CNGB1: variants seen among roughly 807,000 people sequenced by gnomAD.
The protein encoded by CNGB1 is cyclic nucleotide-gated channel beta-1.
CNGB1 carries 126 observed loss-of-function variants against 151.7 expected under a neutral mutation model. That is an observed-to-expected ratio of 0.83 (90% confidence interval 0.72 to 0.96). The LOEUF (loss-of-function observed/expected upper bound fraction) is 0.96, where lower values mean the gene tolerates loss of function less well. CNGB1 is among the 40% of genes least tolerant of loss of function. CNGB1 has a pLI of 0.00. For missense variants in CNGB1, 1,698 were observed against 1,627.0 expected, an observed-to-expected ratio of 1.04 and a Z score of -0.75; for synonymous variants, 623 against 635.1, an observed-to-expected ratio of 0.98 and a Z score of 0.29.
chr16:57,956,232 C>T (rs1336492616), intron 12 of CNGB1, among the ~76,000 whole-genome samples: 1 of 152,174 alleles, frequency 6.6e-6, no homozygotes, highest in Non-Finnish European at 1.5e-5. Context: ...GCTCTGTGAC[C>T]CTGGGCAGGT....
intron 10 of CNGB1, among the ~76,000 whole-genome samples, chr16:57,959,268 T>TG (rs1435018744): frequency 6.6e-6 from 1 of 151,644 alleles, no homozygotes; most frequent in African/African-American, 2.4e-5. Context: ...CAGTAAGACC[T>TG]GTGTGAATAA....
At chr16:57,952,999 C>T (rs1237897255) in intron 12 of CNGB1, among the ~76,000 whole-genome samples, 1 of 152,144 alleles carries the variant, frequency 6.6e-6, no homozygotes, top group Non-Finnish European at 1.5e-5. Flanking sequence ...CCCTGGCCCA[C>T]CCCTGGAGCT....
At chr16:57,959,152 A>T (rs1328643429) in intron 10 of CNGB1, among the ~76,000 whole-genome samples, 2 of 152,064 alleles carry the variant, frequency 1.3e-5, no homozygotes, top group Non-Finnish European at 2.9e-5. Flanking sequence ...TGATGCATGC[A>T]CGGGTTATTG....
intron 27 of CNGB1, among the ~76,000 whole-genome samples, chr16:57,903,166 G>A (rs1352575872): frequency 1.3e-5 from 2 of 151,110 alleles, no homozygotes; most frequent in Non-Finnish European, 1.5e-5. Flanking sequence ...AGGGAGGAAG[G>A]GACAGAAAGT....
rs370413617 is a variant in CNGB1, at chr16:57,903,535, C to T, written c.2794+287G>A. On this transcript the variant is annotated intron_variant, in intron 27 of 32. Coordinates refer to ENST00000251102, the MANE Select transcript of CNGB1 (RefSeq NM_001297.5). ...ACAAACACACAAACAAACTACACTT[C>T]GCTCTTGGATGGGGATGCATTTCAA... Among the ~76,000 whole-genome samples, 11 of 152,126 alleles carry T rather than the reference C, an allele frequency of 7.2e-5. No individual in the cohort carries two copies. The East Asian group carries it at 9.6e-4, about 13-fold the overall frequency.
chr16:57,900,250 T>C (rs2149356798), intron 29 of CNGB1, among the ~76,000 whole-genome samples: 1 of 152,264 alleles, frequency 6.6e-6, no homozygotes, highest in East Asian at 1.9e-4. Flanking sequence ...GCCCCTAAGG[T>C]TGCAGCTTTA....
chr16:57,904,296 C>T (rs115761072), intron 26 of CNGB1, among the ~76,000 whole-genome samples: 321 of 152,194 alleles, frequency 2.1e-3, no homozygotes, highest in African/African-American at 7.0e-3. Flanking sequence ...TCCTCGGTGA[C>T]GGCGGCCATG....
intron 16 of CNGB1, chr16:57,936,959 A>G (rs1325505787): frequency 6.6e-6 from 1 of 152,304 alleles, no homozygotes; most frequent in African/African-American, 2.4e-5. Context: ...TCGGCAGAGG[A>G]AAAGGAGATG....
intron 27 of CNGB1, among the ~76,000 whole-genome samples, chr16:57,902,509 T>G (rs774227818): frequency 3.9e-5 from 6 of 152,076 alleles, no homozygotes; most frequent in Non-Finnish European, 5.9e-5. Context: ...TCTCACTATG[T>G]TGCCCAAGTT....
chr16:57,962,469 C>T (rs1962281893), intron 7 of CNGB1, 96 bp downstream of exon 7: 1 of 1,107,678 alleles, frequency 9.0e-7, no homozygotes, highest in African/African-American at 1.5e-5. Context: ...CAAGGTCACA[C>T]CCTGAGGTGG....
chr16:57,891,193 G>C (rs1459545574), intron 31 of CNGB1, among the ~76,000 whole-genome samples: 1 of 152,194 alleles, frequency 6.6e-6, no homozygotes, highest in African/African-American at 2.4e-5. Context: ...CCTGGTACCA[G>C]TTTTCAGTCA....
rs1405229598 is a variant in CNGB1 at position 57,917,625 on chromosome 16, T to TAC, written c.1958-150_1958-149insGT. ...GTGTGTATGTGTGTGTGTGTGTATATATACACACACACACACACACACACA... is the reference window on the plus strand; with the variant it reads ...GTGTGTATGTGTGTGTGTGTGTATATACATACACACACACACACACACACACA... On this transcript the variant is annotated intron_variant, in intron 20 of 32. Coordinates refer to ENST00000251102, the MANE Select transcript of CNGB1 (RefSeq NM_001297.5). 9.3e-4 allele frequency: 593 copies of TAC among 641,040 alleles called. 4 individuals carry two copies. The African/African-American group carries it at 0.013, about 14-fold the overall frequency. 39.7% of individuals were successfully genotyped at this position (641,040 alleles called of 1,614,324 possible).
At chr16:57,924,969 C>T (rs1195165726) in intron 17 of CNGB1, among the ~76,000 whole-genome samples, 1 of 152,006 alleles carries the variant, frequency 6.6e-6, no homozygotes, top group African/African-American at 2.4e-5. Context: ...GAACAATGAC[C>T]CAATTAAACC....
At chr16:57,947,449 C>T (rs1319268832) in intron 14 of CNGB1, among the ~76,000 whole-genome samples, 1 of 152,202 alleles carries the variant, frequency 6.6e-6, no homozygotes, top group Admixed American at 6.5e-5. Context: ...CCTCATCTTG[C>T]TGGGACTGCA....
At chr16:57,940,453 C>T (rs964033791) in intron 14 of CNGB1, 132 bp from the exon 15 acceptor site, 2 of 792,908 alleles carry the variant, frequency 2.5e-6, no homozygotes, top group East Asian at 5.4e-5. Flanking sequence ...CAGTCTCAAC[C>T]TCAGGAGCCT....
rs758848800 is a variant in CNGB1 at position 57,960,497 on chromosome 16, C to T, written c.568G>A (p.Ala190Thr). 2.1e-5 allele frequency: 34 copies of T among 1,613,732 alleles called. No individual in the cohort carries two copies. The highest frequency in any genetic ancestry group is 8.5e-7 in the Non-Finnish European group (1 of 1,179,858). Residue 190 changes from alanine (A) to threonine (T), a missense_variant, in exon 9 of 33, where the codon GCT (alanine) becomes ACT (threonine). Transcript: ENST00000251102. ...CTCCCTGTACCTGGGTCTGAGGCAGCACCTGTAGCAACTGCAGGCTCATCT... is the reference window on the plus strand; with the variant it reads ...CTCCCTGTACCTGGGTCTGAGGCAGTACCTGTAGCAACTGCAGGCTCATCT... ...WRDEPAVATG[A>T]ASDPAPPGRP...
In CNGB1 at chr16:57,917,299, C is replaced by G. The variant is rs749886760; in HGVS notation, c.2135G>C (p.Arg712Pro). Residue 712 changes from arginine (R) to proline (P), a missense_variant, in exon 21 of 33, where the codon CGC becomes CCC. Physicochemically the swap from Arg to Pro is moderately radical, Grantham distance 103. Transcript: ENST00000251102. The stretch of plus-strand genomic sequence containing the variant: ...GTCCCCGCCTCTGACAAACTGCAGG[C>G]GTGTCTGGAACACGGTGATGTCCAG... ...YFLDITVFQT[R>P]LQFVRGGDII... 6.2e-7 allele frequency: 1 copy of G among 1,613,958 alleles called. No individual in the cohort carries two copies. The highest frequency in any genetic ancestry group is 8.5e-7 in the Non-Finnish European group (1 of 1,180,026).
rs1244641265 is a variant in CNGB1, at chr16:57,960,481, C to T, written c.583+1G>A. The T allele has an allele frequency of 1.9e-6, 3 of 1,613,338 alleles. No homozygotes were observed. The highest frequency in any genetic ancestry group is 3.3e-5 in the Admixed American group (2 of 59,928). On this transcript the variant is annotated splice_donor_variant, in intron 9 of 32. Coordinates refer to ENST00000251102, the MANE Select transcript of CNGB1 (RefSeq NM_001297.5). LOFTEE classifies it high-confidence loss of function. ...CCCCTCCCGAGCTCCCCTCCCTGTACCTGGGTCTGAGGCAGCACCTGTAGC... is the reference window on the plus strand; with the variant it reads ...CCCCTCCCGAGCTCCCCTCCCTGTATCTGGGTCTGAGGCAGCACCTGTAGC...
At chr16:57,912,465 G>T (rs1960744523) in intron 24 of CNGB1, among the ~76,000 whole-genome samples, 1 of 152,330 alleles carries the variant, frequency 6.6e-6, no homozygotes, top group Middle Eastern at 3.4e-3. Context: ...CTCTGGGAAA[G>T]AGGAGGCGGG....
Sources: gnomAD v4.1 joint callset for allele counts (sites outside exome capture counted in the v4.1 genomes callset) on GRCh38, gnomAD v4.1.1 for gene constraint, MANE v1.5 for transcripts, NCBI Gene and HGNC (gene_info 2026-07-23, HGNC 2026-07-21) for gene names.